The following SRRM3 variants were observed in gnomAD, a reference collection of about 807,000 sequenced individuals.
The protein encoded by SRRM3 is serine/arginine repetitive matrix protein 3.
In SRRM3, 27 loss-of-function variants were observed where a neutral mutation model predicts 66.2. The ratio of observed to expected loss-of-function variants is 0.41; its 90% CI spans 0.30 to 0.56. The LOEUF (loss-of-function observed/expected upper bound fraction) is 0.56, where lower values mean the gene tolerates loss of function less well. Ranked by LOEUF, SRRM3 falls within the 20% of genes least tolerant of loss-of-function variation. The probability of loss-of-function intolerance (pLI) is 0.32; values close to 1 mark genes in which losing one functional copy is unlikely to be tolerated. For missense variants in SRRM3, 918 were observed against 991.9 expected (o/e 0.93, Z 1.00); for synonymous variants, 391 against 414.9 (o/e 0.94, Z 0.70).
At chr7:76,236,962 G>A (rs1330830240) in intron 2 of SRRM3, among the ~76,000 whole-genome samples, 4 of 152,152 alleles carry the variant, frequency 2.6e-5, no homozygotes, top group African/African-American at 7.2e-5. Flanking sequence ...GAATTAAACC[G>A]GCAAATCCAG....
intron 8 of SRRM3, among the ~76,000 whole-genome samples, chr7:76,261,837 A>G (rs782676259): frequency 2.4e-4 from 36 of 151,970 alleles, no homozygotes; most frequent in Non-Finnish European, 4.0e-4. Flanking sequence ...TGGCAGGTCC[A>G]ATGCCCAAGG....
At chr7:76,274,074 T>C (rs562899214) in intron 11 of SRRM3, among the ~76,000 whole-genome samples, 3 of 152,334 alleles carry the variant, frequency 2.0e-5, no homozygotes, top group African/African-American at 7.2e-5. Flanking sequence ...TCACCCTTCA[T>C]CCCTGCCAGC....
chr7:76,225,261 A>G (rs1800829805), intron 1 of SRRM3, among the ~76,000 whole-genome samples: 1 of 152,150 alleles, frequency 6.6e-6, no homozygotes, highest in Admixed American at 6.6e-5. Context: ...TGGCCCCAGT[A>G]GAAGACAGCA....
Position 76,285,534 on chromosome 7 carries a change from CTG to C in SRRM3, c.1734-80_1734-79del. 1.7e-6 allele frequency: 2 copies of C among 1,192,948 alleles called. No individual in the cohort carries two copies. Among genetic ancestry groups the C allele is most frequent in the Non-Finnish European group, 2.4e-6 (2 of 845,370 alleles). 73.9% of individuals were successfully genotyped at this position (1,192,948 alleles called of 1,614,324 possible). A position where few individuals can be genotyped will look rare whatever the true frequency, so the allele number is the denominator to read the frequency against. On this transcript the variant is annotated intron_variant, in intron 14 of 14. Coordinates refer to ENST00000611745, the MANE Select transcript of SRRM3 (RefSeq NM_001110199.3). The surrounding 1 kb of genome is among the most constrained non-coding windows in gnomAD (Gnocchi z 4.1). ...CTCTAAGGCCAGGGCTCAGGGGAAA[CTG>C]AGGCAGGAAGCCCTGGCCGCTGCTG...
rs1316514052 is a variant in SRRM3, at chr7:76,281,626, C to G, written c.1194C>G (p.Ser398=). 3.1e-6 allele frequency: 3 copies of G among 973,624 alleles called. No homozygotes were observed. In the East Asian group the frequency reaches 3.5e-4, roughly 112 times the overall value. 60.3% of individuals were successfully genotyped at this position (973,624 alleles called of 1,614,324 possible). A position where few individuals can be genotyped will look rare whatever the true frequency, so the allele number is the denominator to read the frequency against. The change falls in exon 12 of 15, where the codon TCC becomes TCG. Residue 398 remains serine (S), a synonymous_variant. Transcript: ENST00000611745. ...GGCGTAGGCGGCGGCGCTCGCGGTC[C>G]TCGGCGTCCGCGCCCCGCCGCAGGG... ...RRRRRRRRSR[S]SASAPRRRGR... is the part of the protein sequence containing the mutation.
At chr7:76,207,438 C>T (rs1800329861) in intron 1 of SRRM3, among the ~76,000 whole-genome samples, 1 of 152,174 alleles carries the variant, frequency 6.6e-6, no homozygotes, top group Admixed American at 6.6e-5. Flanking sequence ...CCACTTTGAA[C>T]ACAGTATGGT....
chr7:76,206,727 G>A (rs1322706430), intron 1 of SRRM3, among the ~76,000 whole-genome samples: 3 of 152,090 alleles, frequency 2.0e-5, no homozygotes, highest in Admixed American at 6.5e-5. Context: ...AGCAGTCCTC[G>A]CCCCCCAAGG....
intron 3 of SRRM3, among the ~76,000 whole-genome samples, chr7:76,257,463 A>G (rs35499674): frequency 2.5e-4 from 37 of 150,934 alleles, no homozygotes; most frequent in African/African-American, 7.8e-4. Flanking sequence ...AAAAAAAAAA[A>G]AAGAAGGCCA....
At chr7:76,218,674 C>CTTTTT (rs11349335) in intron 1 of SRRM3, among the ~76,000 whole-genome samples, 4,846 of 76,762 alleles carry the variant, frequency 0.063, 26 homozygotes, top group East Asian at 0.078. Flanking sequence ...GCTTTCTTTT[C>CTTTTT]TTTTTTTTTT....
chr7:76,209,256 C>T (rs183100305), intron 1 of SRRM3, among the ~76,000 whole-genome samples: 8 of 152,306 alleles, frequency 5.3e-5, no homozygotes, highest in Non-Finnish European at 5.9e-5. Flanking sequence ...TCAGACTCTG[C>T]CTCTGACCTT....
intron 1 of SRRM3, among the ~76,000 whole-genome samples, chr7:76,227,345 C>G (rs1465901110): frequency 2.0e-5 from 3 of 152,194 alleles, no homozygotes; most frequent in African/African-American, 7.2e-5. Context: ...CTGCAAACCC[C>G]TCACCCTCAA....
chr7:76,261,505 AC>A, intron 7 of SRRM3, 40 bp from the exon 8 acceptor site: 1 of 1,606,576 alleles, frequency 6.2e-7, no homozygotes, highest in East Asian at 2.2e-5. Context: ...CCCCTGGGCC[AC>A]CCCAGGCAGG....
chr7:76,267,910 T>G (rs1802115622), intron 11 of SRRM3: 1 of 137,266 alleles, frequency 7.3e-6, no homozygotes, highest in Admixed American at 7.5e-5. Flanking sequence ...GCCCCACCTC[T>G]GAGCACCCCC....
Position 76,237,022 on chromosome 7 carries a change from T to C in SRRM3, c.233+1723T>C, listed in dbSNP as rs1206189829. Among the ~76,000 whole-genome samples the C allele has an allele frequency of 2.0e-5, 3 of 151,952 alleles. No homozygotes were observed. The East Asian group carries it at 5.8e-4, about 29-fold the overall frequency. Reference sequence around the variant, plus strand: ...ACCAGCTCACGTGGCTCCCGGCACTTTGGGAGGCCGAAGTGGGCAGATCGC... The same window carrying C: ...ACCAGCTCACGTGGCTCCCGGCACTCTGGGAGGCCGAAGTGGGCAGATCGC... On this transcript the variant is annotated intron_variant, in intron 2 of 14. Transcript: ENST00000611745.
chr7:76,270,529 C>T (rs1465707087), intron 11 of SRRM3, among the ~76,000 whole-genome samples: 2 of 149,982 alleles, frequency 1.3e-5, no homozygotes, highest in African/African-American at 2.5e-5. Context: ...TACAAAAATT[C>T]GGCTGGCCAT....
intron 1 of SRRM3, among the ~76,000 whole-genome samples, chr7:76,224,793 A>T (rs1429320251): frequency 1.3e-5 from 2 of 152,004 alleles, no homozygotes; most frequent in African/African-American, 2.4e-5. Context: ...AGCTAGGGAG[A>T]CTCACATTTA....
intron 3 of SRRM3, among the ~76,000 whole-genome samples, chr7:76,257,732 A>G (rs1001609618): frequency 2.0e-5 from 3 of 151,920 alleles, no homozygotes. Flanking sequence ...GTGATGGCAC[A>G]ACTGCACTCC....
At chr7:76,232,123 G>A (rs1444664876) in intron 1 of SRRM3, among the ~76,000 whole-genome samples, 1 of 152,150 alleles carries the variant, frequency 6.6e-6, no homozygotes, top group African/African-American at 2.4e-5. Context: ...TTCAGCCCCG[G>A]GCGCATTGAG....
intron 2 of SRRM3, 114 bp downstream of exon 2, chr7:76,235,413 G>A (rs1455889155): frequency 7.4e-6 from 7 of 948,826 alleles, no homozygotes; most frequent in Non-Finnish European, 1.1e-5. Context: ...AGAAGGGCGG[G>A]GCTAGGGGCT....
Sources: gnomAD v4.1 joint callset for allele counts (sites outside exome capture counted in the v4.1 genomes callset) on GRCh38, gnomAD v4.1.1 for gene constraint, Gnocchi (gnomAD v3.1) non-coding constraint, MANE v1.5 for transcripts, NCBI Gene and HGNC (gene_info 2026-07-23, HGNC 2026-07-21) for gene names.